Variants in RNF214 observed in about 807,000 individuals in gnomAD.
The protein encoded by RNF214 is ring finger protein 214.
In RNF214, 25 loss-of-function variants were observed where a neutral mutation model predicts 75.9. That is an observed-to-expected ratio of 0.33 (90% CI 0.24 to 0.46). The LOEUF (loss-of-function observed/expected upper bound fraction) is 0.46. Ranked by LOEUF, RNF214 falls within the 20% of genes least tolerant of loss-of-function variation. The probability of loss-of-function intolerance (pLI) is 1.00; values close to 1 mark genes in which losing one functional copy is unlikely to be tolerated. For missense variants in RNF214, 725 were observed against 857.5 expected (o/e 0.85, Z 1.93); for synonymous variants, 314 against 308.8 (o/e 1.02, Z -0.18).
At position 117,252,772 on chromosome 11, in the gene RNF214, G is replaced by A. The variant is rs552188627; in HGVS notation, c.959+5824G>A. On this transcript the variant is annotated intron_variant, in intron 6 of 14. Coordinates refer to ENST00000300650, the MANE Select transcript of RNF214 (RefSeq NM_207343.4). ...CCTGACCTCCTGTTCCGCCCGCCTT[G>A]GCCTCCCAAAGTGCTGGGATTACAG... Among the ~76,000 whole-genome samples, 18 of 152,202 alleles carry A rather than the reference G, an allele frequency of 1.2e-4. No individual in the cohort carries two copies. The South Asian group carries it at 2.9e-3, about 25-fold the overall frequency.
At chr11:117,240,955 G>C (rs1277967307) in intron 4 of RNF214, among the ~76,000 whole-genome samples, 1 of 152,000 alleles carries the variant, frequency 6.6e-6, no homozygotes, top group Non-Finnish European at 1.5e-5. Flanking sequence ...GAGGCAGGCA[G>C]ATTGCCTGAG....
intron 4 of RNF214, among the ~76,000 whole-genome samples, chr11:117,242,758 C>A (rs2033113150): frequency 6.6e-6 from 1 of 152,156 alleles, no homozygotes; most frequent in African/African-American, 2.4e-5. Flanking sequence ...GAGGCTGAGG[C>A]AGAGAGAATT....
chr11:117,253,569 C>T lies in RNF214; in HGVS notation c.959+6621C>T, dbSNP rs191396338. Among the ~76,000 whole-genome samples, 80 of 152,234 alleles carry T rather than the reference C, an allele frequency of 5.3e-4. 1 individual carries two copies. The highest frequency in any genetic ancestry group is 3.7e-3 in the Admixed American group (57 of 15,282). ...AACAGTGACTTATTGTGTGCAGGTGCGATGGCTTATGCCTGTAATCCCAGC... is the reference window on the plus strand; with the variant it reads ...AACAGTGACTTATTGTGTGCAGGTGTGATGGCTTATGCCTGTAATCCCAGC... On this transcript the variant is annotated intron_variant, in intron 6 of 14. Transcript: ENST00000300650.
intron 9 of RNF214, 34 bp from the exon 10 acceptor site, chr11:117,281,566 G>A: frequency 6.6e-7 from 1 of 1,524,012 alleles, no homozygotes; most frequent in Non-Finnish European, 9.1e-7. Context: ...GCCTGAGTCA[G>A]TTCAGCAGTA....
chr11:117,283,425 A>T (rs749995624), intron 14 of RNF214, among the ~76,000 whole-genome samples: 12 of 151,238 alleles, frequency 7.9e-5, no homozygotes, highest in Non-Finnish European at 1.5e-4. Context: ...CAGTGGTGTG[A>T]TCTCAGCTCA....
At chr11:117,248,998 A>G (rs1365319478) in intron 6 of RNF214, among the ~76,000 whole-genome samples, 1 of 151,780 alleles carries the variant, frequency 6.6e-6, no homozygotes, top group Non-Finnish European at 1.5e-5. Context: ...ATCTCGGCTC[A>G]TGCAAGCTCC....
At chr11:117,282,570 T>C in intron 12 of RNF214, 34 bp downstream of exon 12, 1 of 1,609,302 alleles carries the variant, frequency 6.2e-7, no homozygotes, top group Non-Finnish European at 8.5e-7. Context: ...AACTTAGGCA[T>C]GTTGAGGGCT....
At chr11:117,246,747 A>G in intron 5 of RNF214, 62 bp from the exon 6 acceptor site, 2 of 1,427,972 alleles carry the variant, frequency 1.4e-6, no homozygotes, top group Admixed American at 4.8e-5. Flanking sequence ...TAACCTTTGC[A>G]TCAAAAGAAC....
Position 117,246,963 on chromosome 11 carries a change from G to A in RNF214, c.959+15G>A, listed in dbSNP as rs375681379. The A allele has an allele frequency of 1.7e-5, 27 of 1,594,064 alleles. No homozygotes were observed. The highest frequency in any genetic ancestry group is 2.0e-5 in the Non-Finnish European group (24 of 1,171,454). ...AAGGGCAGAAGGTAACTGATGTTAAGAATAAAAACCCTGTGTGTATGTATA... is the reference window on the plus strand; with the variant it reads ...AAGGGCAGAAGGTAACTGATGTTAAAAATAAAAACCCTGTGTGTATGTATA... On this transcript the variant is annotated intron_variant, in intron 6 of 14. Transcript: ENST00000300650.
At chr11:117,245,039 CG>C (rs1420658772) in intron 5 of RNF214, among the ~76,000 whole-genome samples, 6 of 151,394 alleles carry the variant, frequency 4.0e-5, no homozygotes, top group Non-Finnish European at 7.4e-5. Flanking sequence ...AAAGGCAAGG[CG>C]GGGTGTGGTG....
chr11:117,242,506 TGA>T (rs2033107235), intron 4 of RNF214, among the ~76,000 whole-genome samples: 2 of 152,092 alleles, frequency 1.3e-5, no homozygotes, highest in Non-Finnish European at 2.9e-5. Flanking sequence ...GGCCCAGGGT[TGA>T]GTTTTGTTTG....
chr11:117,238,770 T>C lies in RNF214; in HGVS notation c.277T>C (p.Leu93=), dbSNP rs375427383. Residue 93 remains leucine, a synonymous_variant, in exon 3 of 15, where the codon TTG becomes CTG. Transcript: ENST00000300650. ...GCACCAGGTGGTTTTAGGAGAAAAC[T>C]TGATAGCCACAGCCCTTTGTCTTTC... ...AAHQVVLGEN[L]IATALCLSGS... 832 of 1,614,112 alleles carry C rather than the reference T, an allele frequency of 5.2e-4. No individual in the cohort carries two copies. The highest frequency in any genetic ancestry group is 6.6e-4 in the Non-Finnish European group (780 of 1,180,050).
chr11:117,239,475 A>G, intron 3 of RNF214: 1 of 458,330 alleles, frequency 2.2e-6, no homozygotes, highest in Non-Finnish European at 3.9e-6. Flanking sequence ...AGTACAGTGT[A>G]TCCTGCCTTC....
chr11:117,277,834 G>T (rs540091655), intron 6 of RNF214, among the ~76,000 whole-genome samples: 1 of 151,868 alleles, frequency 6.6e-6, no homozygotes, highest in African/African-American at 2.4e-5. Context: ...AATTAGCTGC[G>T]CATGGTGGTG....
chr11:117,250,613 T>TATTA lies in RNF214; in HGVS notation c.959+3665_959+3666insATTA, dbSNP rs1396429329. Among the ~76,000 whole-genome samples the TATTA allele has an allele frequency of 3.8e-4, 57 of 149,910 alleles. No homozygotes were observed. The Middle Eastern group carries it at 0.014, about 36-fold the overall frequency. On this transcript the variant is annotated intron_variant, in intron 6 of 14. Transcript: ENST00000300650. The stretch of plus-strand genomic sequence containing the variant: ...TTTTTATTTATTTATTTATTTATTT[T>TATTA]TTTTTTAATTTTTTTTTTTTATTGA...
chr11:117,276,112 A>G (rs767051244), intron 6 of RNF214, among the ~76,000 whole-genome samples: 1 of 152,240 alleles, frequency 6.6e-6, no homozygotes, highest in Non-Finnish European at 1.5e-5. Context: ...GTGATTCACC[A>G]CATAAACCGA....
rs529580690 is a variant in RNF214, at chr11:117,277,046, T to A, written c.960-2862T>A. The stretch of plus-strand genomic sequence containing the variant: ...AACACAGCTGCCTATAAAATCTTTG[T>A]CTAAAGAATTATTAGGCTGGGTATA... On this transcript the variant is annotated intron_variant, in intron 6 of 14. Coordinates refer to ENST00000300650, the MANE Select transcript of RNF214 (RefSeq NM_207343.4). Among the ~76,000 whole-genome samples, 87 of 152,316 alleles carry A rather than the reference T, an allele frequency of 5.7e-4. 2 individuals carry two copies. In the South Asian group the frequency reaches 0.018, roughly 31 times the overall value.
intron 2 of RNF214, among the ~76,000 whole-genome samples, chr11:117,237,883 C>T (rs1370403934): frequency 6.6e-6 from 1 of 152,044 alleles, no homozygotes; most frequent in African/African-American, 2.4e-5. Context: ...GGTCAAAGAT[C>T]TGTATAATGA....
intron 1 of RNF214, 51 bp from the exon 2 acceptor site, chr11:117,234,216 T>C: frequency 7.5e-7 from 1 of 1,336,542 alleles, no homozygotes; most frequent in Non-Finnish European, 1.1e-6. Flanking sequence ...GAGATACATT[T>C]GTTTTAAACT....
Sources: gnomAD v4.1 joint callset for allele counts (sites outside exome capture counted in the v4.1 genomes callset) on GRCh38, gnomAD v4.1.1 for gene constraint, MANE v1.5 for transcripts, NCBI Gene and HGNC (gene_info 2026-07-23, HGNC 2026-07-21) for gene names.